The following SLC4A10 variants were observed in gnomAD, a reference collection of about 807,000 sequenced individuals.
SLC4A10 encodes the protein solute carrier family 4 member 10, also known as sodium-driven chloride bicarbonate exchanger.
SLC4A10 carries 42 observed loss-of-function variants against 137.7 expected under a neutral mutation model. That is an observed-to-expected ratio of 0.30 (90% CI 0.24 to 0.39). The LOEUF (loss-of-function observed/expected upper bound fraction) is 0.39, where lower values mean the gene tolerates loss of function less well. Among genes scored for constraint, SLC4A10 ranks in the 10% least tolerant of loss-of-function variants. The probability of loss-of-function intolerance (pLI) is 1.00; values close to 1 mark genes in which losing one functional copy is unlikely to be tolerated. For synonymous variants in SLC4A10, 474 were observed against 464.1 expected, an observed-to-expected ratio of 1.02 and a Z score of -0.27; for missense variants, 925 against 1,355.0, an observed-to-expected ratio of 0.68 and a Z score of 4.98.
chr2:161,815,422 G>A (rs1005226792), intron 3 of SLC4A10, among the ~76,000 whole-genome samples: 4 of 152,068 alleles, frequency 2.6e-5, no homozygotes, highest in Non-Finnish European at 4.4e-5. Context: ...TTCTCCTTCC[G>A]CCATGATTGT....
intron 15 of SLC4A10, among the ~76,000 whole-genome samples, chr2:161,928,085 T>C (rs1283867073): frequency 1.8e-4 from 27 of 150,856 alleles, no homozygotes; most frequent in Admixed American, 1.1e-3. Context: ...ATGTTTATTG[T>C]GGCATTATTC....
chr2:161,879,055 G>A (rs1575417037), intron 8 of SLC4A10, 76 bp from the exon 9 acceptor site: 1 of 1,322,496 alleles, frequency 7.6e-7, no homozygotes, highest in Non-Finnish European at 1.1e-6. Flanking sequence ...TACTATATGT[G>A]AAGCACTGTG....
intron 21 of SLC4A10, among the ~76,000 whole-genome samples, chr2:161,962,181 C>T (rs766002170): frequency 6.6e-6 from 1 of 152,278 alleles, no homozygotes; most frequent in Non-Finnish European, 1.5e-5. Context: ...AACTTATTAT[C>T]TGGGCTTCTC....
intron 2 of SLC4A10, among the ~76,000 whole-genome samples, chr2:161,772,146 G>T (rs865798039): frequency 2.0e-5 from 3 of 151,624 alleles, no homozygotes; most frequent in Non-Finnish European, 2.9e-5. Flanking sequence ...TTACTGGGGG[G>T]GCCTATTGAT....
At chr2:161,820,495 T>C (rs759211713) in intron 3 of SLC4A10, among the ~76,000 whole-genome samples, 5 of 152,164 alleles carry the variant, frequency 3.3e-5, no homozygotes, top group Non-Finnish European at 7.4e-5. Context: ...AAAGAATCTC[T>C]GGCCTTTCTT....
At chr2:161,758,027 T>C (rs1331636744) in intron 1 of SLC4A10, among the ~76,000 whole-genome samples, 1 of 152,030 alleles carries the variant, frequency 6.6e-6, no homozygotes, top group African/African-American at 2.4e-5. Flanking sequence ...TCATTTCAAA[T>C]CTGATTTCAT....
chr2:161,727,518 G>A (rs2046358942), intron 1 of SLC4A10, among the ~76,000 whole-genome samples: 3 of 152,152 alleles, frequency 2.0e-5, no homozygotes. Flanking sequence ...AGTAGGATGG[G>A]AGAAAAATCT....
At chr2:161,890,932 C>T (rs2062843762) in intron 10 of SLC4A10, among the ~76,000 whole-genome samples, 1 of 152,050 alleles carries the variant, frequency 6.6e-6, no homozygotes, top group East Asian at 1.9e-4. Flanking sequence ...GTGGAGGGTA[C>T]CTGTTTTTCC....
chr2:161,712,941 G>C (rs972903449), intron 1 of SLC4A10, among the ~76,000 whole-genome samples: 1 of 151,850 alleles, frequency 6.6e-6, no homozygotes. Context: ...ATAAAAGTCT[G>C]TAGGTCTCTG....
chr2:161,940,916 C>A lies in SLC4A10; in HGVS notation c.1998-1876C>A, dbSNP rs141440296. On this transcript the variant is annotated intron_variant, in intron 15 of 26. Coordinates refer to ENST00000446997, the MANE Select transcript of SLC4A10 (RefSeq NM_001178015.2). ...CGCAGGAGTTTGAGATTAGCCTGGGCAACATAACAAGACTCTGTCTATATT... is the reference window on the plus strand; with the variant it reads ...CGCAGGAGTTTGAGATTAGCCTGGGAAACATAACAAGACTCTGTCTATATT... Among the ~76,000 whole-genome samples the A allele has an allele frequency of 2.0e-5, 3 of 152,038 alleles. No homozygotes were observed. The East Asian group carries it at 5.8e-4, about 30-fold the overall frequency.
chr2:161,854,967 T>C lies in SLC4A10; in HGVS notation c.417-3T>C, dbSNP rs775806804. On this transcript the variant is annotated splice_polypyrimidine_tract_variant and splice_region_variant and intron_variant, in intron 4 of 26. Coordinates refer to ENST00000446997, the MANE Select transcript of SLC4A10 (RefSeq NM_001178015.2). The stretch of plus-strand genomic sequence containing the variant: ...ACTGTGCTGATAATATTTGTTTGTA[T>C]AGGTGGTTGAAGTTTGAAGAAGATG... 1.2e-6 allele frequency: 2 copies of C among 1,611,620 alleles called. No homozygotes were observed. Among genetic ancestry groups the C allele is most frequent in the Non-Finnish European group, 8.5e-7 (1 of 1,178,742 alleles).
At chr2:161,942,256 CAA>C (rs1269383295) in intron 15 of SLC4A10, among the ~76,000 whole-genome samples, 29 of 152,242 alleles carry the variant, frequency 1.9e-4, no homozygotes, top group Admixed American at 1.5e-3. Context: ...GGGCAAATAG[CAA>C]GTTTACAAAT....
chr2:161,966,673 G>A (rs1000462132), intron 23 of SLC4A10, among the ~76,000 whole-genome samples: 9 of 151,734 alleles, frequency 5.9e-5, no homozygotes, highest in Non-Finnish European at 7.4e-5. Context: ...CACTTGAACC[G>A]GGAGGTGGAC....
chr2:161,754,260 G>C (rs1574779841), intron 1 of SLC4A10, among the ~76,000 whole-genome samples: 1 of 152,014 alleles, frequency 6.6e-6, no homozygotes, highest in African/African-American at 2.4e-5. Flanking sequence ...TAATCTCAGG[G>C]ACTATTAAAT....
At chr2:161,900,871 T>TAAAAC (rs57302863) in intron 11 of SLC4A10, 40 bp from the exon 12 acceptor site, 3 of 1,399,166 alleles carry the variant, frequency 2.1e-6, no homozygotes, top group Non-Finnish European at 2.9e-6. Context: ...CACCTGAAAT[T>TAAAAC]AAAACAAAAC....
intron 6 of SLC4A10, among the ~76,000 whole-genome samples, chr2:161,870,033 A>G (rs1015763256): frequency 6.6e-6 from 1 of 151,454 alleles, no homozygotes; most frequent in East Asian, 1.9e-4. Flanking sequence ...TTATAAAAAT[A>G]GTTTCTAAAT....
chr2:161,964,079 C>A, intron 21 of SLC4A10, 56 bp from the exon 22 acceptor site: 1 of 1,460,778 alleles, frequency 6.8e-7, no homozygotes, highest in Non-Finnish European at 9.2e-7. Context: ...ATCAACTTGT[C>A]CTACTTTTAT....
chr2:161,933,919 G>T (rs1197603128), intron 15 of SLC4A10, among the ~76,000 whole-genome samples: 5 of 152,106 alleles, frequency 3.3e-5, no homozygotes, highest in Non-Finnish European at 7.3e-5. Flanking sequence ...CCATATGGCT[G>T]TACTAATTTA....
chr2:161,904,030 T>A lies in SLC4A10; in HGVS notation c.1469T>A (p.Ile490Asn). ...GRIFGGLILD[I>N]KRKAPYFWSD... ...ATTTTTGGGGGACTTATTTTAGATA[T>A]CAAAAGAAAAGCTCCATACTTCTGG... Residue 490 changes from isoleucine to asparagine, a missense_variant, in exon 13 of 27, where the codon ATC becomes AAC. Physicochemically the swap from Ile to Asn is moderately radical, Grantham distance 149. Coordinates refer to ENST00000446997, the MANE Select transcript of SLC4A10 (RefSeq NM_001178015.2). 1 of 1,586,324 alleles carries A rather than the reference T, an allele frequency of 6.3e-7. No individual in the cohort carries two copies. The highest frequency in any genetic ancestry group is 1.1e-5 in the South Asian group (1 of 87,126).
Sources: gnomAD v4.1 joint callset for allele counts (sites outside exome capture counted in the v4.1 genomes callset) on GRCh38, gnomAD v4.1.1 for gene constraint, MANE v1.5 for transcripts, NCBI Gene and HGNC (gene_info 2026-07-23, HGNC 2026-07-21) for gene names.